CCDC178: variants seen among roughly 807,000 people sequenced by gnomAD.
CCDC178 encodes the protein coiled-coil domain-containing protein 178.
In CCDC178, 126 loss-of-function variants were observed where a neutral mutation model predicts 117.4. That is an observed-to-expected ratio of 1.07 (90% CI 0.93 to 1.24). CCDC178 has a LOEUF of 1.24. Among genes scored for constraint, CCDC178 ranks in the 50% most tolerant of loss-of-function variants. CCDC178 has a pLI of 0.00. For missense variants in CCDC178, 1,030 were observed against 986.9 expected (o/e 1.04, Z -0.59); for synonymous variants, 283 against 313.4 (o/e 0.90, Z 1.02).
intron 21 of CCDC178, among the ~76,000 whole-genome samples, chr18:32,984,403 A>G (rs1426264419): frequency 1.3e-5 from 2 of 151,918 alleles, no homozygotes; most frequent in African/African-American, 2.4e-5. Context: ...AATACACACT[A>G]TTACATATAA....
chr18:32,944,365 A>G (rs191965595), intron 22 of CCDC178, among the ~76,000 whole-genome samples: 109 of 152,278 alleles, frequency 7.2e-4, no homozygotes, highest in African/African-American at 2.3e-3. Flanking sequence ...ATGGCTAAAG[A>G]TATATTTGGA....
chr18:33,149,650 T>A (rs2058317169), intron 20 of CCDC178, among the ~76,000 whole-genome samples: 1 of 152,214 alleles, frequency 6.6e-6, no homozygotes, highest in Non-Finnish European at 1.5e-5. Flanking sequence ...TAATGAGGTC[T>A]CCATCTCCCT....
At chr18:33,000,695 C>T (rs1287153351) in intron 21 of CCDC178, among the ~76,000 whole-genome samples, 1 of 152,136 alleles carries the variant, frequency 6.6e-6, no homozygotes, top group Non-Finnish European at 1.5e-5. Flanking sequence ...AGGAAAGAAG[C>T]TTTTATCCTA....
At chr18:33,417,931 C>G (rs1478835176) in intron 2 of CCDC178, among the ~76,000 whole-genome samples, 3 of 152,066 alleles carry the variant, frequency 2.0e-5, no homozygotes, top group Non-Finnish European at 4.4e-5. Flanking sequence ...AGAGCTGGTA[C>G]CATTCCTACT....
At chr18:33,395,645 G>C (rs1599266666) in intron 4 of CCDC178, among the ~76,000 whole-genome samples, 1 of 152,080 alleles carries the variant, frequency 6.6e-6, no homozygotes, top group Non-Finnish European at 1.5e-5. Flanking sequence ...TTAAGTTTGT[G>C]CCATATCGGT....
intron 5 of CCDC178, among the ~76,000 whole-genome samples, chr18:33,377,011 T>C (rs1480922555): frequency 6.6e-6 from 1 of 152,186 alleles, no homozygotes; most frequent in Non-Finnish European, 1.5e-5. Flanking sequence ...CTCTTAGTTA[T>C]TAGACAAATC....
intron 20 of CCDC178, among the ~76,000 whole-genome samples, chr18:33,161,599 C>T (rs271491): frequency 0.16 from 24,897 of 152,072 alleles, 2,807 homozygotes; most frequent in African/African-American, 0.32. Context: ...AATCCTCTCT[C>T]GATCTTATTT....
At chr18:33,186,694 T>C (rs2058798704) in intron 20 of CCDC178, among the ~76,000 whole-genome samples, 1 of 152,058 alleles carries the variant, frequency 6.6e-6, no homozygotes, top group Non-Finnish European at 1.5e-5. Flanking sequence ...CTATAAAGGA[T>C]TGCCCAGAGA....
In CCDC178 at chr18:33,211,976, A is replaced by T; in HGVS notation, c.2158T>A (p.Cys720Ser). ...FDHYMQEKKD[C>S]EERIFEEDQR... ...TCTTCCTCAAAGATTCTCTCTTCAC[A>T]GTCTTTTTTCTCTTGCATATAATGA... is the stretch of plus-strand genomic sequence containing the variant. The change falls in exon 20 of 23, where the codon TGT becomes AGT. Residue 720 changes from cysteine to serine, a missense_variant. Cys to Ser is a moderately radical substitution (Grantham distance 112). Transcript: ENST00000383096. 6.2e-7 allele frequency: 1 copy of T among 1,609,968 alleles called. No individual in the cohort carries two copies. Among genetic ancestry groups the T allele is most frequent in the Non-Finnish European group, 8.5e-7 (1 of 1,177,662 alleles).
intron 20 of CCDC178, among the ~76,000 whole-genome samples, chr18:33,182,720 G>A (rs532913616): frequency 1.3e-5 from 2 of 151,996 alleles, no homozygotes; most frequent in East Asian, 3.9e-4. Flanking sequence ...ACATTACTGA[G>A]ATATATAAAA....
intron 10 of CCDC178, among the ~76,000 whole-genome samples, chr18:33,331,988 A>AC (rs1178287116): frequency 4.6e-5 from 7 of 152,218 alleles, no homozygotes; most frequent in Non-Finnish European, 7.3e-5. Context: ...CAGATGGCCA[A>AC]CAGAAGATGA....
chr18:33,180,668 C>A (rs2058723741), intron 20 of CCDC178, among the ~76,000 whole-genome samples: 2 of 151,992 alleles, frequency 1.3e-5, no homozygotes, highest in Admixed American at 6.6e-5. Flanking sequence ...ATTATATAAG[C>A]TACATTAGCA....
chr18:33,249,095 C>A (rs1387549085), intron 14 of CCDC178, among the ~76,000 whole-genome samples: 1 of 152,074 alleles, frequency 6.6e-6, no homozygotes, highest in East Asian at 1.9e-4. Flanking sequence ...ATATCCTTCA[C>A]CCACTTTTTG....
At chr18:33,058,225 G>A (rs1215888162) in intron 21 of CCDC178, among the ~76,000 whole-genome samples, 2 of 152,116 alleles carry the variant, frequency 1.3e-5, no homozygotes, top group Admixed American at 6.5e-5. Context: ...TTATTCAAGA[G>A]TCAAAAAATG....
chr18:33,081,629 C>G (rs949640908), intron 21 of CCDC178, among the ~76,000 whole-genome samples: 1 of 152,134 alleles, frequency 6.6e-6, no homozygotes, highest in African/African-American at 2.4e-5. Flanking sequence ...ATACTTTTCT[C>G]AATAACCTAG....
At chr18:33,042,025 G>GA (rs1329369524) in intron 21 of CCDC178, among the ~76,000 whole-genome samples, 2 of 151,850 alleles carry the variant, frequency 1.3e-5, no homozygotes, top group South Asian at 2.1e-4. Context: ...AATAGCGTTG[G>GA]AAAAATCACT....
intron 20 of CCDC178, among the ~76,000 whole-genome samples, chr18:33,207,774 C>A (rs1419499067): frequency 6.6e-6 from 1 of 151,914 alleles, no homozygotes; most frequent in African/African-American, 2.4e-5. Context: ...AGCAGTAATT[C>A]TGCCACATAT....
chr18:33,346,449 C>A (rs943555996), intron 8 of CCDC178, 38 bp from the exon 9 acceptor site: 1 of 1,393,956 alleles, frequency 7.2e-7, no homozygotes, highest in Middle Eastern at 1.8e-4. Flanking sequence ...GTTAATAAAT[C>A]AGTCAATAAG....
chr18:33,412,326 TCTA>T (rs2063867300), intron 2 of CCDC178, among the ~76,000 whole-genome samples: 1 of 152,096 alleles, frequency 6.6e-6, no homozygotes, highest in Non-Finnish European at 1.5e-5. Flanking sequence ...TCTTTGATCT[TCTA>T]CTTTGCTAGT....
Sources: gnomAD v4.1 joint callset for allele counts (sites outside exome capture counted in the v4.1 genomes callset) on GRCh38, gnomAD v4.1.1 for gene constraint, MANE v1.5 for transcripts, NCBI Gene and HGNC (gene_info 2026-07-23, HGNC 2026-07-21) for gene names.